The following TAFA4 variants were observed in gnomAD, a reference collection of about 807,000 sequenced individuals.
The protein encoded by TAFA4 is chemokine-like protein TAFA-4.
Under a neutral mutation model 21.1 loss-of-function variants are expected in TAFA4, and 20 were observed. The observed-to-expected ratio is 0.95, with a 90% CI of 0.67 to 1.38. The LOEUF (loss-of-function observed/expected upper bound fraction) is 1.38. Among genes scored for constraint, TAFA4 ranks in the 40% most tolerant of loss-of-function variants. The pLI is 0.00. For synonymous variants in TAFA4, 71 were observed against 67.4 expected, an observed-to-expected ratio of 1.05 and a Z score of -0.26; for missense variants, 211 against 180.9, an observed-to-expected ratio of 1.17 and a Z score of -0.95.
chr3:68,879,671 G>A lies in TAFA4; in HGVS notation c.130+1059C>T, dbSNP rs746552839. 1.3e-4 allele frequency among the ~76,000 whole-genome samples: 20 copies of A among 152,284 alleles called. 1 individual carries two copies. The highest frequency in any genetic ancestry group is 2.1e-4 in the South Asian group (1 of 4,830). On this transcript the variant is annotated intron_variant, in intron 3 of 5. Transcript: ENST00000295569. ...CATCTTCTTGGAACTGTCACTTGAG[G>A]AGGGAAAATTGAGTTGTGTGAGATT...
chr3:68,910,137 A>C (rs1199895366), intron 1 of TAFA4, among the ~76,000 whole-genome samples: 1 of 152,248 alleles, frequency 6.6e-6, no homozygotes, highest in Non-Finnish European at 1.5e-5. Flanking sequence ...GGCAGCTAGC[A>C]AGGCAGAGTT....
chr3:68,749,041 G>A (rs879512046), intron 4 of TAFA4, among the ~76,000 whole-genome samples: 2 of 152,184 alleles, frequency 1.3e-5, no homozygotes, highest in Non-Finnish European at 1.5e-5. Flanking sequence ...ATGCTTACCA[G>A]CTGAATAGCT....
chr3:68,802,554 A>T (rs1434315806), intron 3 of TAFA4, among the ~76,000 whole-genome samples: 1 of 152,094 alleles, frequency 6.6e-6, no homozygotes, highest in Admixed American at 6.6e-5. Context: ...TATGGTGAGT[A>T]TGGCTTTGTT....
At chr3:68,778,805 T>C (rs1297474044) in intron 3 of TAFA4, among the ~76,000 whole-genome samples, 1 of 152,188 alleles carries the variant, frequency 6.6e-6, no homozygotes, top group Admixed American at 6.5e-5. Flanking sequence ...AGCAGCAGCA[T>C]GAAAACAGGC....
intron 3 of TAFA4, among the ~76,000 whole-genome samples, chr3:68,821,133 C>T (rs1008667785): frequency 3.9e-5 from 6 of 152,158 alleles, no homozygotes; most frequent in African/African-American, 1.4e-4. Flanking sequence ...ATAATGTCTT[C>T]CATACATTCA....
rs138899673 is a variant in TAFA4 at position 68,795,946 on chromosome 3, T to A, written c.131-42928A>T. 4.0e-3 allele frequency among the ~76,000 whole-genome samples: 606 copies of A among 152,326 alleles called. 2 individuals carry two copies. The highest frequency in any genetic ancestry group is 7.1e-3 in the Non-Finnish European group (484 of 68,034). ...ACCCCAAGCCCAGTAACACCGTGATTCTTGCACACTTGTAAAGTACCACGT... is the reference window on the plus strand; with the variant it reads ...ACCCCAAGCCCAGTAACACCGTGATACTTGCACACTTGTAAAGTACCACGT... On this transcript the variant is annotated intron_variant, in intron 3 of 5. Transcript: ENST00000295569.
intron 1 of TAFA4, among the ~76,000 whole-genome samples, chr3:68,924,847 C>T (rs930021733): frequency 3.9e-5 from 6 of 152,184 alleles, no homozygotes; most frequent in Non-Finnish European, 8.8e-5. Flanking sequence ...ATTTAAACAT[C>T]TCCTTACCCA....
At chr3:68,784,344 G>A (rs1703209028) in intron 3 of TAFA4, among the ~76,000 whole-genome samples, 1 of 152,222 alleles carries the variant, frequency 6.6e-6, no homozygotes, top group African/African-American at 2.4e-5. Context: ...CTCACGGTGA[G>A]TGTTACAGCT....
chr3:68,745,478 G>T (rs1283173489), intron 4 of TAFA4, among the ~76,000 whole-genome samples: 1 of 152,064 alleles, frequency 6.6e-6, no homozygotes, highest in African/African-American at 2.4e-5. Context: ...TAATACCCCT[G>T]TCTTCAAGCT....
At chr3:68,733,235 CCTGA>C in intron 5 of TAFA4, 82 bp from the exon 6 acceptor site, 1 of 1,530,662 alleles carries the variant, frequency 6.5e-7, no homozygotes. Context: ...CCAATAAGGT[CCTGA>C]CTGTGAATAC....
At chr3:68,889,437 C>T (rs939386228) in intron 1 of TAFA4, among the ~76,000 whole-genome samples, 3 of 152,178 alleles carry the variant, frequency 2.0e-5, no homozygotes, top group Admixed American at 6.5e-5. Context: ...GTGCCTTCCT[C>T]GTCTGTTGAT....
intron 3 of TAFA4, among the ~76,000 whole-genome samples, chr3:68,832,902 C>T (rs1704434438): frequency 6.6e-6 from 1 of 152,220 alleles, no homozygotes; most frequent in Non-Finnish European, 1.5e-5. Flanking sequence ...CTACTCAAGC[C>T]TCAGCAAGGG....
intron 5 of TAFA4, among the ~76,000 whole-genome samples, chr3:68,734,851 T>A (rs1028864513): frequency 6.6e-6 from 1 of 152,144 alleles, no homozygotes; most frequent in South Asian, 2.1e-4. Flanking sequence ...TCTGGATCTA[T>A]CAGTCTACAT....
In TAFA4 at chr3:68,812,295, A is replaced by T. The variant is rs534001427; in HGVS notation, c.131-59277T>A. ...CGAGCAAAATAACCAGCTAACATCA[A>T]AATGACAGGATCAAATTCACACATA... On this transcript the variant is annotated intron_variant, in intron 3 of 5. Coordinates refer to ENST00000295569, the MANE Select transcript of TAFA4 (RefSeq NM_182522.5). Among the ~76,000 whole-genome samples, 422 of 152,256 alleles carry T rather than the reference A, an allele frequency of 2.8e-3. 1 individual carries two copies. The highest frequency in any genetic ancestry group is 9.6e-3 in the African/African-American group (398 of 41,564).
intron 3 of TAFA4, among the ~76,000 whole-genome samples, chr3:68,877,009 G>C (rs1430372766): frequency 6.6e-6 from 1 of 152,084 alleles, no homozygotes; most frequent in Non-Finnish European, 1.5e-5. Flanking sequence ...AAGAATGAAA[G>C]AAGAACTGAA....
intron 1 of TAFA4, among the ~76,000 whole-genome samples, chr3:68,905,782 T>C (rs573976800): frequency 6.6e-6 from 1 of 152,186 alleles, no homozygotes; most frequent in Non-Finnish European, 1.5e-5. Flanking sequence ...GGAGTTCTCA[T>C]TGGTCAGGGG....
intron 3 of TAFA4, among the ~76,000 whole-genome samples, chr3:68,821,914 A>G (rs1704120432): frequency 6.6e-6 from 1 of 152,222 alleles, no homozygotes; most frequent in Non-Finnish European, 1.5e-5. Flanking sequence ...CATCACTTAA[A>G]AAGGTATTTG....
intron 3 of TAFA4, among the ~76,000 whole-genome samples, chr3:68,783,677 G>C (rs950997421): frequency 1.7e-4 from 20 of 115,730 alleles, no homozygotes; most frequent in Middle Eastern, 8.3e-3. Context: ...CACACACAGA[G>C]AGAGAGAGAG....
chr3:68,759,260 A>T (rs1315088196), intron 3 of TAFA4, among the ~76,000 whole-genome samples: 1 of 152,180 alleles, frequency 6.6e-6, no homozygotes, highest in African/African-American at 2.4e-5. Context: ...TGTTTTACTC[A>T]ATCCATTGAT....
Sources: allele counts gnomAD v4.1 joint callset (sites outside exome capture counted in the v4.1 genomes callset), GRCh38; gene constraint gnomAD v4.1.1; transcripts MANE v1.5; gene names NCBI Gene and HGNC (gene_info 2026-07-23, HGNC 2026-07-21).